Variants in UGP2 observed in about 807,000 individuals in gnomAD.
The protein encoded by UGP2 is UTP--glucose-1-phosphate uridylyltransferase.
Under a neutral mutation model 49.0 loss-of-function variants are expected in UGP2, and 40 were observed. That is an observed-to-expected ratio of 0.82 (90% confidence interval 0.63 to 1.06). The LOEUF (loss-of-function observed/expected upper bound fraction) is 1.06. Among genes scored for constraint, UGP2 ranks in the 50% least tolerant of loss-of-function variants. The pLI is 0.00. For missense variants in UGP2, 460 were observed against 603.5 expected (o/e 0.76, Z 2.49); for synonymous variants, 225 against 213.0 (o/e 1.06, Z -0.49).
rs1210609793 is a variant in UGP2, at chr2:63,857,937, G to T, written c.255+1G>T. 6.2e-7 allele frequency: 1 copy of T among 1,612,552 alleles called. No homozygotes were observed. The highest frequency in any genetic ancestry group is 1.7e-5 in the Admixed American group (1 of 59,740). On this transcript the variant is annotated splice_donor_variant, in intron 3 of 9. Coordinates refer to ENST00000337130, the MANE Select transcript of UGP2 (RefSeq NM_006759.4). LOFTEE classifies it high-confidence loss of function. Reference sequence around the variant, plus strand: ...AATCCAGAGACCCCCTGAAGATTCGGTAAGTTTTAGATAAAATGTAGGAAA... The same window carrying T: ...AATCCAGAGACCCCCTGAAGATTCGTTAAGTTTTAGATAAAATGTAGGAAA...
intron 3 of UGP2, among the ~76,000 whole-genome samples, chr2:63,870,644 A>G (rs1436817881): frequency 6.6e-6 from 1 of 152,228 alleles, no homozygotes; most frequent in Non-Finnish European, 1.5e-5. Flanking sequence ...TTTTCAGAGA[A>G]CAGATTTCAT....
chr2:63,853,890 T>G (rs188205797), intron 1 of UGP2, among the ~76,000 whole-genome samples: 1 of 152,340 alleles, frequency 6.6e-6, no homozygotes, highest in East Asian at 1.9e-4. Context: ...AAAAAGTTAT[T>G]GCCTGTTCTA....
intron 3 of UGP2, among the ~76,000 whole-genome samples, chr2:63,866,012 A>G (rs1242733710): frequency 6.6e-6 from 1 of 152,212 alleles, no homozygotes; most frequent in Non-Finnish European, 1.5e-5. Flanking sequence ...TTTCTAAGAA[A>G]ACTGAATTGA....
intron 7 of UGP2, 66 bp downstream of exon 7, chr2:63,886,604 C>A (rs756662447): frequency 6.4e-6 from 10 of 1,551,484 alleles, no homozygotes; most frequent in Non-Finnish European, 8.8e-6. Flanking sequence ...ACACACAGAC[C>A]CCATCGCCCA....
rs767113484 is a variant in UGP2, at chr2:63,882,498, C to G, written c.288C>G (p.Gly96=). 2.5e-6 allele frequency: 4 copies of G among 1,606,234 alleles called. No individual in the cohort carries two copies. In the African/African-American group the frequency reaches 5.3e-5, roughly 21 times the overall value. The change falls in exon 4 of 10, where the codon GGC becomes GGG. Residue 96 remains glycine (G), a synonymous_variant. Coordinates refer to ENST00000337130, the MANE Select transcript of UGP2 (RefSeq NM_006759.4). ...IQPYEKIKAR[G]LPDNISSVLN... is the part of the protein sequence containing the mutation. ...CCTATGAAAAGATAAAGGCCAGGGGCTTGCCTGATAATATATCTTCCGTGT... is the reference window on the plus strand; with the variant it reads ...CCTATGAAAAGATAAAGGCCAGGGGGTTGCCTGATAATATATCTTCCGTGT...
intron 3 of UGP2, among the ~76,000 whole-genome samples, chr2:63,865,866 C>T (rs1670153412): frequency 6.6e-6 from 1 of 152,052 alleles, no homozygotes; most frequent in Non-Finnish European, 1.5e-5. Flanking sequence ...CATATGTTCT[C>T]CCACCAAAGT....
chr2:63,889,993 A>G, intron 8 of UGP2, 88 bp from the exon 9 acceptor site: 1 of 1,017,552 alleles, frequency 9.8e-7, no homozygotes, highest in Non-Finnish European at 1.5e-6. Context: ...AGGTTTCTAC[A>G]GTTCAGTTAA....
At chr2:63,855,755 TG>T in intron 1 of UGP2, 2 of 373,806 alleles carry the variant, frequency 5.4e-6, no homozygotes, top group African/African-American at 2.2e-5. Flanking sequence ...TTGCCCAGCC[TG>T]GTCTCAAACT....
At chr2:63,891,036 A>G (rs1357807292) in intron 9 of UGP2, 84 bp from the exon 10 acceptor site, 3 of 1,124,524 alleles carry the variant, frequency 2.7e-6, no homozygotes, top group East Asian at 2.7e-5. Context: ...AAAAAAAAAA[A>G]GTTGTACATA....
chr2:63,870,775 G>A (rs1487646858), intron 3 of UGP2, among the ~76,000 whole-genome samples: 1 of 152,158 alleles, frequency 6.6e-6, no homozygotes, highest in African/African-American at 2.4e-5. Context: ...AGTATCAGGT[G>A]GAAGTTTCTG....
At chr2:63,855,602 C>T (rs1299673275) in intron 1 of UGP2, 26 of 378,032 alleles carry the variant, frequency 6.9e-5, no homozygotes, top group South Asian at 3.2e-4. Context: ...AGTGCGGTGG[C>T]GCGATCTCGC....
chr2:63,889,999 G>C (rs1371752044), intron 8 of UGP2, 82 bp from the exon 9 acceptor site: 1 of 1,123,086 alleles, frequency 8.9e-7, no homozygotes, highest in East Asian at 2.4e-5. Context: ...CTACAGTTCA[G>C]TTAAACTTTC....
At chr2:63,871,289 G>A (rs1458978551) in intron 3 of UGP2, among the ~76,000 whole-genome samples, 2 of 151,940 alleles carry the variant, frequency 1.3e-5, no homozygotes, top group Non-Finnish European at 2.9e-5. Context: ...CTCACTAGTG[G>A]ACAAAAGCCT....
Position 63,887,568 on chromosome 2 carries a change from C to G in UGP2, c.1238C>G (p.Ala413Gly). The G allele has an allele frequency of 1.9e-6, 3 of 1,614,128 alleles. No individual in the cohort carries two copies. In the South Asian group the frequency reaches 3.3e-5, roughly 18 times the overall value. The change falls in exon 8 of 10, where the codon GCA becomes GGA. Residue 413 changes from alanine (A) to glycine (G), a missense_variant. Ala to Gly is a moderately conservative substitution (Grantham distance 60). Transcript: ENST00000337130. ...LVMSNLYSLN[A>G]GSLTMSEKRE... ...ATGTCAAACCTCTATAGTCTTAATG[C>G]AGGATCTCTGACAATGAGTGAAAAG...
Position 63,885,848 on chromosome 2 carries a change from G to A in UGP2, c.835G>A (p.Val279Ile). The A allele has an allele frequency of 6.3e-7, 1 of 1,598,016 alleles. No individual in the cohort carries two copies. The highest frequency in any genetic ancestry group is 1.1e-5 in the South Asian group (1 of 88,638). Residue 279 changes from valine (V) to isoleucine (I), a missense_variant, in exon 6 of 10, where the codon GTC becomes ATC. By Grantham distance (29) the Val-to-Ile change is conservative (BLOSUM62 3). Around this residue, in one of 2 missense-constraint regions of UGP2, gnomAD observed 317 missense variants for 473.0 expected, o/e 0.67. Transcript: ENST00000337130. ...NPPNGKRCEFVMEVTNKTRAD... is the reference protein window; with the variant it reads ...NPPNGKRCEFIMEVTNKTRAD... ...ACCCAATGGAAAACGCTGTGAATTT[G>A]TCATGGAAGTCACAAATAAAACACG...
intron 3 of UGP2, among the ~76,000 whole-genome samples, chr2:63,880,407 G>T (rs1288973667): frequency 6.6e-6 from 1 of 152,036 alleles, no homozygotes; most frequent in African/African-American, 2.4e-5. Context: ...CCCCTAGGCT[G>T]CCTTGGCTTC....
intron 3 of UGP2, among the ~76,000 whole-genome samples, chr2:63,864,000 G>T (rs1459643997): frequency 6.6e-6 from 1 of 152,160 alleles, no homozygotes; most frequent in East Asian, 1.9e-4. Flanking sequence ...TATTTCAAAA[G>T]AACAAGAAAC....
Position 63,887,699 on chromosome 2 carries a change from GAT to G in UGP2, c.1314+58_1314+59del. On this transcript the variant is annotated intron_variant, in intron 8 of 9. Coordinates refer to ENST00000337130, the MANE Select transcript of UGP2 (RefSeq NM_006759.4). ...TATTTCTTAAATGTGTAATTATAAAGATATGATATACATGTGAATTGGAGACT... is the reference window on the plus strand; with the variant it reads ...TATTTCTTAAATGTGTAATTATAAAGATGATATACATGTGAATTGGAGACT... 4.4e-6 allele frequency: 7 copies of G among 1,593,428 alleles called. No homozygotes were observed. The South Asian group carries it at 6.8e-5, about 16-fold the overall frequency.
At chr2:63,863,456 A>G (rs1006559076) in intron 3 of UGP2, among the ~76,000 whole-genome samples, 1 of 152,142 alleles carries the variant, frequency 6.6e-6, no homozygotes, top group African/African-American at 2.4e-5. Context: ...TCTCTTTAGC[A>G]TTTTGGAAAT....
Sources: gnomAD v4.1 joint callset for allele counts (sites outside exome capture counted in the v4.1 genomes callset) on GRCh38, gnomAD v4.1.1 for gene constraint, gnomAD v4.1.1 regional missense constraint, MANE v1.5 for transcripts, NCBI Gene and HGNC (gene_info 2026-07-23, HGNC 2026-07-21) for gene names.